Variants in PAX8 observed in about 807,000 individuals in gnomAD.
PAX8 encodes paired box protein Pax-8.
Under a neutral mutation model 52.4 loss-of-function variants are expected in PAX8, and 15 were observed. The ratio of observed to expected loss-of-function variants is 0.29; its 90% CI spans 0.19 to 0.44. The LOEUF (loss-of-function observed/expected upper bound fraction) is 0.44, where lower values mean the gene tolerates loss of function less well. PAX8 is among the 20% of genes least tolerant of loss of function. The pLI is 1.00. For missense variants in PAX8, 554 were observed against 602.5 expected, an observed-to-expected ratio of 0.92 and a Z score of 0.84; for synonymous variants, 284 against 249.7, an observed-to-expected ratio of 1.14 and a Z score of -1.29.
intron 2 of PAX8, among the ~76,000 whole-genome samples, chr2:113,254,910 C>T (rs535660467): frequency 6.6e-6 from 1 of 152,124 alleles, no homozygotes; most frequent in Non-Finnish European, 1.5e-5. Context: ...AAAGTCTTCC[C>T]TGGCTTTCCC....
chr2:113,218,577 G>A lies in PAX8; in HGVS notation c.1309C>T (p.Pro437Ser). The change falls in exon 12 of 12, where the codon CCG becomes TCG. Residue 437 changes from proline (P) to serine (S), a missense_variant. Physicochemically the swap from Pro to Ser is moderately conservative, Grantham distance 74 (BLOSUM62 -1). This residue lies in a region of PAX8 where 445 missense variants were observed against 409.9 expected (regional missense o/e 1.09). Transcript: ENST00000429538. ...SPYYYSSTSR[P>S]SAPPTTATAF... ...GTGGCAGTGGTGGGCGGTGCACTCG[G>A]CCTTGATGTGGAACTGTAATAATAT... 1.9e-6 allele frequency: 3 copies of A among 1,559,744 alleles called. No homozygotes were observed. Among genetic ancestry groups the A allele is most frequent in the Non-Finnish European group, 1.7e-6 (2 of 1,151,598 alleles).
chr2:113,278,738 GA>G, intron 1 of PAX8, 92 bp downstream of exon 1: 14 of 676,030 alleles, frequency 2.1e-5, no homozygotes, highest in South Asian at 4.2e-5. Context: ...ACTTGGGAGG[GA>G]AAAGGCTGCC....
intron 2 of PAX8, among the ~76,000 whole-genome samples, chr2:113,250,294 G>A (rs958419154): frequency 1.3e-5 from 2 of 151,974 alleles, no homozygotes; most frequent in Non-Finnish European, 2.9e-5. Context: ...AGAAGATAGG[G>A]GGACCAGGAT....
chr2:113,262,262 G>A (rs1208564509), intron 2 of PAX8, among the ~76,000 whole-genome samples: 1 of 152,012 alleles, frequency 6.6e-6, no homozygotes, highest in East Asian at 1.9e-4. Flanking sequence ...GCAATCTTCT[G>A]GCCTCAGCCT....
intron 2 of PAX8, among the ~76,000 whole-genome samples, chr2:113,247,569 A>G (rs2104510373): frequency 6.6e-6 from 1 of 152,290 alleles, no homozygotes; most frequent in Admixed American, 6.5e-5. Flanking sequence ...GGGTCCTCAC[A>G]GGCATAGATA....
Position 113,227,447 on chromosome 2 carries a change from G to A in PAX8, c.1088-191C>T, listed in dbSNP as rs141909188. Among the ~76,000 whole-genome samples the A allele has an allele frequency of 2.4e-3, 359 of 152,262 alleles. 1 individual carries two copies. Among genetic ancestry groups the A allele is most frequent in the Admixed American group, 4.4e-3 (68 of 15,298 alleles). On this transcript the variant is annotated intron_variant, in intron 9 of 11. Coordinates refer to ENST00000429538, the MANE Select transcript of PAX8 (RefSeq NM_003466.4). ...TTCACCTCTGTCTGGTCTTCTGCAG[G>A]ACAGAGGCTCCACCATGCAGGGAGC...
In PAX8 at chr2:113,278,814, A is replaced by G; in HGVS notation, c.-76+17T>C. 1 of 1,058,222 alleles carries G rather than the reference A, an allele frequency of 9.4e-7. No homozygotes were observed. The highest frequency in any genetic ancestry group is 1.2e-6 in the Non-Finnish European group (1 of 868,624). 65.6% of individuals were successfully genotyped at this position (1,058,222 alleles called of 1,614,324 possible). ...CTCACTGCTAGCCAGCTTCCAGCTA[A>G]CCCCTGGGTGACATACCTGGCCGGC... On this transcript the variant is annotated intron_variant, in intron 1 of 11. Transcript: ENST00000429538.
At position 113,217,480 on chromosome 2, in the gene PAX8, G is replaced by T. The variant is rs901124367; in HGVS notation, c.*1053C>A. The T allele has an allele frequency of 1.3e-5, 3 of 230,128 alleles. No homozygotes were observed. The highest frequency in any genetic ancestry group is 2.6e-5 in the Non-Finnish European group (3 of 115,896). The allele number at this position is 230,128 out of a possible 1,614,324, so 14.3% of individuals were successfully genotyped here. A position where few individuals can be genotyped will look rare whatever the true frequency, so the allele number is the denominator to read the frequency against. On this transcript the variant is annotated 3_prime_UTR_variant, in exon 12 of 12. Coordinates refer to ENST00000429538, the MANE Select transcript of PAX8 (RefSeq NM_003466.4). ...AGAGACATTTCACTCAGAGGCCAAA[G>T]TCTGGGGGTTAGAAAGAAGGAAGCT... is the stretch of plus-strand genomic sequence containing the variant.
chr2:113,235,992 G>A, intron 8 of PAX8: 1 of 218,622 alleles, frequency 4.6e-6, no homozygotes, highest in Non-Finnish European at 8.9e-6. Context: ...CCCACCTTGC[G>A]GGAGCCGCCT....
intron 7 of PAX8, chr2:113,238,928 G>A (rs1333592865): frequency 6.6e-6 from 1 of 152,108 alleles, no homozygotes; most frequent in Non-Finnish European, 1.5e-5. Flanking sequence ...TCAATAAACT[G>A]ATATTCATAT....
At chr2:113,268,676 G>A (rs1371806611) in intron 2 of PAX8, 1 of 152,396 alleles carries the variant, frequency 6.6e-6, no homozygotes, top group Non-Finnish European at 1.5e-5. Context: ...TGGGGAGGTG[G>A]GGAAGAGGAA....
At chr2:113,272,139 C>T (rs1573549428) in intron 2 of PAX8, 1 of 151,066 alleles carries the variant, frequency 6.6e-6, no homozygotes, top group African/African-American at 2.4e-5. Flanking sequence ...GAAACAGAAC[C>T]CAAGTATCCT....
intron 10 of PAX8, among the ~76,000 whole-genome samples, chr2:113,224,705 A>G (rs1689450826): frequency 6.6e-6 from 1 of 151,904 alleles, no homozygotes; most frequent in South Asian, 2.1e-4. Context: ...GGAAAGATAG[A>G]TGACTGGATG....
intron 10 of PAX8, 174 bp from the exon 11 acceptor site, chr2:113,220,352 A>G (rs1689204366): frequency 4.9e-6 from 3 of 612,904 alleles, no homozygotes; most frequent in Non-Finnish European, 8.9e-6. Context: ...TCCCTTTTGG[A>G]ACCCATCGAT....
At chr2:113,244,194 A>C (rs1319946909) in intron 4 of PAX8, among the ~76,000 whole-genome samples, 1 of 152,194 alleles carries the variant, frequency 6.6e-6, no homozygotes, top group Non-Finnish European at 1.5e-5. Context: ...GAAACTGTAG[A>C]TAGCACACTA....
In PAX8 at chr2:113,217,813, A is replaced by G; in HGVS notation, c.*720T>C. On this transcript the variant is annotated 3_prime_UTR_variant, in exon 12 of 12. Transcript: ENST00000429538. ...CCCTGGGGCTGGCCTGGCTGACGGCAGCTGCCAAGGGGATGCCGCACTGCA... is the reference window on the plus strand; with the variant it reads ...CCCTGGGGCTGGCCTGGCTGACGGCGGCTGCCAAGGGGATGCCGCACTGCA... 4.3e-6 allele frequency: 1 copy of G among 233,358 alleles called. No homozygotes were observed. The highest frequency in any genetic ancestry group is 6.0e-5 in the East Asian group (1 of 16,564). 14.5% of individuals were successfully genotyped at this position (233,358 alleles called of 1,614,324 possible). A position where few individuals can be genotyped will look rare whatever the true frequency, so the allele number is the denominator to read the frequency against.
At chr2:113,255,301 G>A (rs1383788445) in intron 2 of PAX8, 1 of 78,062 alleles carries the variant, frequency 1.3e-5, no homozygotes, top group Non-Finnish European at 2.7e-5. Flanking sequence ...GAGGAGGGAG[G>A]GGAGGAGGGA....
In PAX8 at chr2:113,225,078, C is replaced by T. The variant is rs1689487735; in HGVS notation, c.1189+2077G>A. On this transcript the variant is annotated intron_variant, in intron 10 of 11. Transcript: ENST00000429538. ...TAGTATGATTATGACCCTGAGCACA[C>T]CACTTTGCTTTTGCTTCAGTTTCCT... 2.0e-5 allele frequency among the ~76,000 whole-genome samples: 3 copies of T among 152,122 alleles called. No individual in the cohort carries two copies. The South Asian group carries it at 6.2e-4, about 32-fold the overall frequency.
intron 2 of PAX8, among the ~76,000 whole-genome samples, chr2:113,254,706 C>G (rs1369081540): frequency 6.6e-6 from 1 of 152,190 alleles, no homozygotes; most frequent in Admixed American, 6.5e-5. Flanking sequence ...GTGTTCAAGC[C>G]TCATTTCTTA....
Sources: gnomAD v4.1 joint callset for allele counts (sites outside exome capture counted in the v4.1 genomes callset) on GRCh38, gnomAD v4.1.1 for gene constraint, gnomAD v4.1.1 regional missense constraint, MANE v1.5 for transcripts, NCBI Gene and HGNC (gene_info 2026-07-23, HGNC 2026-07-21) for gene names.